The following PYGB variants were observed in gnomAD, a reference collection of about 807,000 sequenced individuals.
The protein encoded by PYGB is glycogen phosphorylase B.
In PYGB, 82 loss-of-function variants were observed where a neutral mutation model predicts 94.3. The observed-to-expected ratio is 0.87, with a 90% CI of 0.73 to 1.04. The LOEUF is 1.04. PYGB is among the 50% of genes least tolerant of loss of function. PYGB has a pLI of 0.00. For missense variants in PYGB, 1,132 were observed against 1,158.2 expected (o/e 0.98, Z 0.33); for synonymous variants, 488 against 479.1 (o/e 1.02, Z -0.24).
At chr20:25,291,373 G>A (rs1166995765) in intron 16 of PYGB, among the ~76,000 whole-genome samples, 2 of 151,838 alleles carry the variant, frequency 1.3e-5, no homozygotes, top group Non-Finnish European at 2.9e-5. Context: ...CCCTCCTGCC[G>A]CCGAGGGCCA....
chr20:25,291,015 T>A (rs535357876), intron 16 of PYGB, among the ~76,000 whole-genome samples: 4 of 139,558 alleles, frequency 2.9e-5, no homozygotes, highest in Non-Finnish European at 6.2e-5. Flanking sequence ...TGCCCTCTCC[T>A]CCTGCCCCTC....
In PYGB at chr20:25,295,662, C is replaced by T. The variant is rs2088530309; in HGVS notation, c.2371C>T (p.Leu791=). 6.2e-7 allele frequency: 1 copy of T among 1,613,298 alleles called. No homozygotes were observed. The highest frequency in any genetic ancestry group is 1.1e-5 in the South Asian group (1 of 91,072). The change falls in exon 19 of 20, where the codon CTG becomes TTG. Residue 791 remains leucine (L), a synonymous_variant. Transcript: ENST00000216962. ...YMQCQAQVDQ[L]YRNPKEWTKK... is the part of the protein sequence containing the mutation. Reference sequence around the variant, plus strand: ...GCAGTGCCAGGCACAGGTGGACCAGCTGTACCGGGTGAGGCTCCTGGGTCC... The same window carrying T: ...GCAGTGCCAGGCACAGGTGGACCAGTTGTACCGGGTGAGGCTCCTGGGTCC...
chr20:25,263,535 A>T (rs544976734), intron 2 of PYGB, among the ~76,000 whole-genome samples: 1 of 152,332 alleles, frequency 6.6e-6, no homozygotes, highest in Admixed American at 6.5e-5. Flanking sequence ...GACCGGTAGC[A>T]AGACTAATAA....
At chr20:25,249,888 G>T (rs2123501995) in intron 1 of PYGB, among the ~76,000 whole-genome samples, 1 of 150,820 alleles carries the variant, frequency 6.6e-6, no homozygotes, top group South Asian at 2.1e-4. Flanking sequence ...TTGCCCTGTA[G>T]CGTGAAGCTA....
rs2088384925 is a variant in PYGB at position 25,283,221 on chromosome 20, C to T, written c.1564C>T (p.Leu522=). Residue 522 remains leucine, a synonymous_variant, in exon 13 of 20, where the codon CTG becomes TTG. Coordinates refer to ENST00000216962, the MANE Select transcript of PYGB (RefSeq NM_002862.4). ...FLTDLSQLKK[L]LPLVSDEVFI... is the part of the protein sequence containing the mutation. ...GACTGACCTGAGCCAGCTGAAGAAG[C>T]TGCTGCCGCTGGTCAGTGACGAGGT... 1.9e-6 allele frequency: 3 copies of T among 1,613,886 alleles called. No homozygotes were observed. Among genetic ancestry groups the T allele is most frequent in the Non-Finnish European group, 2.5e-6 (3 of 1,179,874 alleles).
chr20:25,277,387 G>A (rs2088322975), intron 7 of PYGB, 61 bp downstream of exon 7: 7 of 1,488,876 alleles, frequency 4.7e-6, no homozygotes, highest in African/African-American at 1.4e-5. Context: ...TAGAGAGGTG[G>A]GCTGGCTGGC....
chr20:25,295,762 A>T, intron 19 of PYGB, 92 bp downstream of exon 19: 3 of 1,407,442 alleles, frequency 2.1e-6, no homozygotes, highest in Non-Finnish European at 3.0e-6. Context: ...AGCTGAGTAG[A>T]TTCTTGGCCT....
intron 2 of PYGB, among the ~76,000 whole-genome samples, chr20:25,265,291 T>C (rs947879909): frequency 7.2e-5 from 11 of 152,358 alleles, no homozygotes; most frequent in African/African-American, 2.2e-4. Context: ...CTTAATTTTT[T>C]TTTTGGAACC....
At chr20:25,259,374 C>G (rs2092908844) in intron 2 of PYGB, 36 bp downstream of exon 2, 6 of 1,500,074 alleles carry the variant, frequency 4.0e-6, no homozygotes, top group Non-Finnish European at 5.6e-6. Context: ...TGGGTGGCCC[C>G]TCGTGGTGCT....
intron 2 of PYGB, among the ~76,000 whole-genome samples, chr20:25,259,759 C>G (rs1208895217): frequency 2.0e-5 from 3 of 152,176 alleles, no homozygotes; most frequent in Non-Finnish European, 2.9e-5. Context: ...GTTGTAAAAG[C>G]ACTATTTCTC....
In PYGB at chr20:25,258,725, G is replaced by C. The variant is rs118155781; in HGVS notation, c.244-512G>C. 9.1e-3 allele frequency among the ~76,000 whole-genome samples: 1,391 copies of C among 152,380 alleles called. 5 individuals carry two copies. The highest frequency in any genetic ancestry group is 0.013 in the Non-Finnish European group (886 of 68,034). Reference sequence around the variant, plus strand: ...CATCAGCCAAGAGACTTCTGCTGGGGAACATGGATGCATCCATTCAGCCGT... The same window carrying C: ...CATCAGCCAAGAGACTTCTGCTGGGCAACATGGATGCATCCATTCAGCCGT... On this transcript the variant is annotated intron_variant, in intron 1 of 19. Coordinates refer to ENST00000216962, the MANE Select transcript of PYGB (RefSeq NM_002862.4).
At chr20:25,271,315 G>A (rs1043640097) in intron 3 of PYGB, 68 bp from the exon 4 acceptor site, 3 of 1,468,804 alleles carry the variant, frequency 2.0e-6, no homozygotes, top group Non-Finnish European at 2.9e-6. Flanking sequence ...GCGCCCTGTG[G>A]GCTGCCTCCG....
intron 2 of PYGB, among the ~76,000 whole-genome samples, chr20:25,262,920 T>C (rs2092916865): frequency 6.6e-6 from 1 of 152,086 alleles, no homozygotes; most frequent in African/African-American, 2.4e-5. Flanking sequence ...AGCTAACTAT[T>C]CTAAATACAT....
intron 2 of PYGB, among the ~76,000 whole-genome samples, chr20:25,266,174 A>C (rs936963188): frequency 3.3e-5 from 5 of 152,108 alleles, no homozygotes; most frequent in African/African-American, 1.2e-4. Flanking sequence ...GATTCACAAA[A>C]GTTTTTAATT....
intron 14 of PYGB, chr20:25,285,536 C>G (rs950207561): frequency 6.6e-6 from 1 of 152,054 alleles, no homozygotes; most frequent in African/African-American, 2.4e-5. Context: ...TGCTCCACTT[C>G]TGCTTGGTTG....
At chr20:25,273,681 G>A (rs758435818) in intron 4 of PYGB, among the ~76,000 whole-genome samples, 1 of 152,176 alleles carries the variant, frequency 6.6e-6, no homozygotes, top group East Asian at 1.9e-4. Context: ...GTAGTTACTC[G>A]TCTCTAGTGC....
In PYGB at chr20:25,280,935, T is replaced by C; in HGVS notation, c.1240-14T>C. On this transcript the variant is annotated splice_polypyrimidine_tract_variant and intron_variant, in intron 10 of 19. Coordinates refer to ENST00000216962, the MANE Select transcript of PYGB (RefSeq NM_002862.4). ...TCCTGTGCCCACCCACCTGCCTCTG[T>C]GTTTTGGCACCAGCACGTGGCCGCG... 1.2e-6 allele frequency: 2 copies of C among 1,612,950 alleles called. No homozygotes were observed. Among genetic ancestry groups the C allele is most frequent in the South Asian group, 1.1e-5 (1 of 90,974 alleles).
chr20:25,269,027 T>C, intron 2 of PYGB, 102 bp from the exon 3 acceptor site: 2 of 1,034,754 alleles, frequency 1.9e-6, no homozygotes, highest in Admixed American at 2.0e-5. Flanking sequence ...ACCCAGACTC[T>C]AACTTTTAGC....
At chr20:25,294,760 T>TA (rs1185792052) in intron 18 of PYGB, 5 of 655,526 alleles carry the variant, frequency 7.6e-6, no homozygotes, top group Non-Finnish European at 1.4e-5. Context: ...ATAATGTAGT[T>TA]AGTGTTTTAT....
Sources: gnomAD v4.1 joint callset for allele counts (sites outside exome capture counted in the v4.1 genomes callset) on GRCh38, gnomAD v4.1.1 for gene constraint, MANE v1.5 for transcripts, NCBI Gene and HGNC (gene_info 2026-07-23, HGNC 2026-07-21) for gene names.